The following SLCO6A1 variants were observed in gnomAD, a reference collection of about 807,000 sequenced individuals.
SLCO6A1 encodes the protein cancer/testis antigen 48.
A neutral mutation model predicts 72.7 loss-of-function variants in SLCO6A1; 65 were observed. That is an observed-to-expected ratio of 0.89 (90% CI 0.73 to 1.10). The LOEUF (loss-of-function observed/expected upper bound fraction) is 1.10. Among genes scored for constraint, SLCO6A1 ranks in the 50% least tolerant of loss-of-function variants. The probability of loss-of-function intolerance (pLI) is 0.00; values close to 1 mark genes in which losing one functional copy is unlikely to be tolerated. For synonymous variants in SLCO6A1, 314 were observed against 298.2 expected, an observed-to-expected ratio of 1.05 and a Z score of -0.55; for missense variants, 874 against 872.6, an observed-to-expected ratio of 1.00 and a Z score of -0.02.
intron 4 of SLCO6A1, among the ~76,000 whole-genome samples, chr5:102,463,083 AC>A (rs1751125272): frequency 1.3e-5 from 2 of 152,160 alleles, no homozygotes; most frequent in South Asian, 2.1e-4. Flanking sequence ...TAAGAAAAAA[AC>A]AATCCCATCA....
At chr5:102,491,693 G>A (rs529959826) in intron 1 of SLCO6A1, among the ~76,000 whole-genome samples, 13 of 152,350 alleles carry the variant, frequency 8.5e-5, no homozygotes, top group South Asian at 2.1e-4. Context: ...GCCCGCAAGC[G>A]CGGTGCGCAG....
At chr5:102,416,418 CT>C (rs1327825413) in intron 8 of SLCO6A1, among the ~76,000 whole-genome samples, 1 of 151,800 alleles carries the variant, frequency 6.6e-6, no homozygotes, top group Non-Finnish European at 1.5e-5. Flanking sequence ...GAAATAATGT[CT>C]TTTATGGCAA....
chr5:102,456,715 C>G (rs1472861368), intron 6 of SLCO6A1, among the ~76,000 whole-genome samples: 1 of 152,144 alleles, frequency 6.6e-6, no homozygotes, highest in African/African-American at 2.4e-5. Context: ...TCCCATCAAG[C>G]TACCAATGAC....
chr5:102,414,698 G>A (rs914100454), intron 8 of SLCO6A1, among the ~76,000 whole-genome samples: 13 of 152,036 alleles, frequency 8.6e-5, no homozygotes, highest in South Asian at 8.3e-4. Flanking sequence ...GTTTCCGACC[G>A]GCCTGGGCAA....
At chr5:102,491,661 C>T (rs1265394409) in intron 1 of SLCO6A1, among the ~76,000 whole-genome samples, 2 of 152,260 alleles carry the variant, frequency 1.3e-5, no homozygotes, top group East Asian at 1.9e-4. Context: ...ACTGAGCTCA[C>T]GCCCACCCAG....
At chr5:102,455,338 T>C (rs1750653313) in intron 6 of SLCO6A1, among the ~76,000 whole-genome samples, 2 of 152,038 alleles carry the variant, frequency 1.3e-5, no homozygotes, top group Non-Finnish European at 2.9e-5. Flanking sequence ...AATTCATCTA[T>C]CAAGTAATCT....
At chr5:102,491,085 A>G (rs1342778491) in intron 1 of SLCO6A1, among the ~76,000 whole-genome samples, 1 of 152,096 alleles carries the variant, frequency 6.6e-6, no homozygotes, top group Non-Finnish European at 1.5e-5. Context: ...CCATGTCCCC[A>G]CTAGATTAGC....
chr5:102,374,429 T>A (rs1052339393), intron 12 of SLCO6A1, among the ~76,000 whole-genome samples: 1 of 152,104 alleles, frequency 6.6e-6, no homozygotes, highest in Non-Finnish European at 1.5e-5. Context: ...GCCTCCTGAG[T>A]AGCTGGGACT....
intron 12 of SLCO6A1, among the ~76,000 whole-genome samples, chr5:102,386,616 C>A (rs10067136): frequency 6.6e-6 from 1 of 151,960 alleles, no homozygotes; most frequent in Non-Finnish European, 1.5e-5. Context: ...CTGCAAGTTC[C>A]CAGCCCAGTG....
chr5:102,422,058 CAGAA>C (rs1748636430), intron 7 of SLCO6A1, among the ~76,000 whole-genome samples: 1 of 152,196 alleles, frequency 6.6e-6, no homozygotes, highest in Admixed American at 6.5e-5. Context: ...AACTAACAAA[CAGAA>C]AGCAATAACA....
At chr5:102,469,266 T>C (rs1024956161) in intron 4 of SLCO6A1, among the ~76,000 whole-genome samples, 1 of 152,190 alleles carries the variant, frequency 6.6e-6, no homozygotes, top group Admixed American at 6.5e-5. Flanking sequence ...ATGGCTATTT[T>C]CACGATACTG....
intron 7 of SLCO6A1, among the ~76,000 whole-genome samples, chr5:102,435,664 C>T (rs955854856): frequency 1.4e-4 from 22 of 152,216 alleles, no homozygotes; most frequent in African/African-American, 4.6e-4. Context: ...CACCTGATGT[C>T]GGGAGTTCGC....
chr5:102,450,997 G>A (rs1750385297), intron 6 of SLCO6A1, among the ~76,000 whole-genome samples: 1 of 152,202 alleles, frequency 6.6e-6, no homozygotes, highest in Admixed American at 6.5e-5. Flanking sequence ...CCAGAGAAAT[G>A]CAGAGCCATC....
At chr5:102,435,002 G>A (rs1314449889) in intron 7 of SLCO6A1, among the ~76,000 whole-genome samples, 2 of 152,142 alleles carry the variant, frequency 1.3e-5, no homozygotes, top group Non-Finnish European at 2.9e-5. Context: ...ATAATTTCTT[G>A]TTTAAACAAA....
intron 12 of SLCO6A1, among the ~76,000 whole-genome samples, chr5:102,388,070 A>G (rs1013683732): frequency 3.3e-5 from 5 of 151,966 alleles, no homozygotes; most frequent in Non-Finnish European, 7.4e-5. Flanking sequence ...TTTAACTGAA[A>G]TAAGAGTGGC....
At chr5:102,484,608 G>A (rs138986121) in intron 1 of SLCO6A1, among the ~76,000 whole-genome samples, 1,784 of 151,652 alleles carry the variant, frequency 0.012, 34 homozygotes, top group African/African-American at 0.04. Context: ...CCAAGATTGC[G>A]CCACTGCACT....
intron 2 of SLCO6A1, among the ~76,000 whole-genome samples, chr5:102,478,658 G>A (rs1014860128): frequency 3.9e-5 from 6 of 152,050 alleles, no homozygotes; most frequent in African/African-American, 1.4e-4. Flanking sequence ...ACAATATTAA[G>A]TAAATGCTTG....
chr5:102,380,804 A>C (rs1746061604), intron 12 of SLCO6A1, among the ~76,000 whole-genome samples: 2 of 151,992 alleles, frequency 1.3e-5, no homozygotes, highest in Admixed American at 1.3e-4. Context: ...AATGTCCTTC[A>C]TATTGGACAG....
chr5:102,395,092 A>C (rs993137107), intron 10 of SLCO6A1, among the ~76,000 whole-genome samples: 1 of 152,066 alleles, frequency 6.6e-6, no homozygotes, highest in Non-Finnish European at 1.5e-5. Context: ...CACAACGTGC[A>C]GGTTAGTTAC....
Sources: allele counts gnomAD v4.1 joint callset (sites outside exome capture counted in the v4.1 genomes callset), GRCh38; gene constraint gnomAD v4.1.1; transcripts MANE v1.5; gene names NCBI Gene and HGNC (gene_info 2026-07-23, HGNC 2026-07-21).